Variants in SPANXN4 observed in about 807,000 individuals in gnomAD.
The protein encoded by SPANXN4 is SPANX family member N4.
Under a neutral mutation model 6.0 loss-of-function variants are expected in SPANXN4, and 5 were observed. The ratio of observed to expected loss-of-function variants is 0.83; its 90% confidence interval spans 0.44 to 1.75. The LOEUF (loss-of-function observed/expected upper bound fraction) is 1.75, where lower values mean the gene tolerates loss of function less well. Among genes scored for constraint, SPANXN4 ranks in the 40% most tolerant of loss-of-function variants. The probability of loss-of-function intolerance (pLI) is 0.02; values close to 1 mark genes in which losing one functional copy is unlikely to be tolerated. For synonymous variants in SPANXN4, 45 were observed against 38.0 expected (o/e 1.19, Z -0.68); for missense variants, 157 against 108.6 (o/e 1.45, Z -1.98).
chrX:143,030,609 C>T (rs1034215502), intron 1 of SPANXN4, among the ~76,000 whole-genome samples: 29 of 103,632 alleles, frequency 2.8e-4, no homozygotes, highest in African/African-American at 9.1e-4. Context: ...AAAAAAAAAA[C>T]TTTGGGAAGC....
intron 1 of SPANXN4, among the ~76,000 whole-genome samples, chrX:143,032,256 T>C (rs1214401391): frequency 9.0e-6 from 1 of 111,364 alleles, no homozygotes; most frequent in African/African-American, 3.3e-5. Flanking sequence ...GCTAGAGAGA[T>C]GGGAACATGA....
chrX:143,034,362 G>A, intron 2 of SPANXN4, 51 bp downstream of exon 2: 1 of 1,030,392 alleles, frequency 9.7e-7, no homozygotes. Context: ...GGAAGGGAAG[G>A]GAAAAGATAG....
At chrX:143,037,853 C>T (rs561568506), downstream of SPANXN4, among the ~76,000 whole-genome samples, 1 of 111,004 alleles carries the variant, frequency 9.0e-6, no homozygotes, top group African/African-American at 3.3e-5. Context: ...GAAGAAGGTG[C>T]CTTGCTTCCC....
intron 1 of SPANXN4, among the ~76,000 whole-genome samples, chrX:143,029,642 A>G (rs1472496014): frequency 1.8e-5 from 2 of 111,111 alleles, no homozygotes; most frequent in African/African-American, 6.6e-5. Flanking sequence ...ATTAACAGGG[A>G]GGAGGGTGTT....
At chrX:143,033,055 C>A (rs1004679782) in intron 1 of SPANXN4, among the ~76,000 whole-genome samples, 1 of 111,379 alleles carries the variant, frequency 9.0e-6, no homozygotes, top group African/African-American at 3.3e-5. Flanking sequence ...TTCTGGAGAA[C>A]CAGCAGAAAT....
chrX:143,029,756 C>G (rs1932798633), intron 1 of SPANXN4, among the ~76,000 whole-genome samples: 1 of 111,012 alleles, frequency 9.0e-6, no homozygotes, highest in African/African-American at 3.3e-5. Context: ...AAGGGATTCA[C>G]AGTTTATGAG....
intron 1 of SPANXN4, among the ~76,000 whole-genome samples, chrX:143,027,520 G>A (rs1308887666): frequency 9.0e-6 from 1 of 111,324 alleles, no homozygotes; most frequent in African/African-American, 3.3e-5. Flanking sequence ...GCGAAGGAGG[G>A]TGACAGCCCT....
chrX:143,035,588 CAT>C (rs967833318), downstream of SPANXN4, among the ~76,000 whole-genome samples: 3 of 110,579 alleles, frequency 2.7e-5, no homozygotes, highest in Non-Finnish European at 3.8e-5. Flanking sequence ...TAAATAGTAT[CAT>C]GTGTTTAATT....
exon 3 of SPANXN4, chrX:143,034,522 G>A: frequency 8.7e-7 from 1 of 1,143,348 alleles, no homozygotes; most frequent in Non-Finnish European, 1.2e-6. Context: ...AGGAAGAAAA[G>A]GATTTGGTGT....
downstream of SPANXN4, among the ~76,000 whole-genome samples, chrX:143,037,454 C>T (rs936465178): frequency 5.4e-5 from 6 of 111,535 alleles, no homozygotes; most frequent in South Asian, 3.7e-4. Flanking sequence ...ACCATAATAA[C>T]GAATGCCTGC....
chrX:143,032,520 G>C (rs943190997), intron 1 of SPANXN4, among the ~76,000 whole-genome samples: 13 of 110,532 alleles, frequency 1.2e-4, no homozygotes, highest in Non-Finnish European at 2.1e-4. Context: ...GAGGAGAAAG[G>C]CTTGTCCTGA....
chrX:143,033,327 C>G (rs750300496), intron 1 of SPANXN4, among the ~76,000 whole-genome samples: 57 of 111,633 alleles, frequency 5.1e-4, no homozygotes, highest in Non-Finnish European at 9.6e-4. Context: ...TGCTTGCTGC[C>G]TTCCAGGATG....
downstream of SPANXN4, among the ~76,000 whole-genome samples, chrX:143,035,506 T>A (rs1052361179): frequency 1.8e-5 from 2 of 110,676 alleles, no homozygotes; most frequent in Non-Finnish European, 3.8e-5. Context: ...GATTTTTAAT[T>A]TTTGTACCCA....
At chrX:143,038,612 A>G (rs1396871515), downstream of SPANXN4, among the ~76,000 whole-genome samples, 1 of 112,227 alleles carries the variant, frequency 8.9e-6, no homozygotes, top group Non-Finnish European at 1.9e-5. Context: ...AAACTCCATG[A>G]CAACAATTAT....
intron 1 of SPANXN4, among the ~76,000 whole-genome samples, chrX:143,028,499 G>A (rs1462256858): frequency 1.8e-5 from 2 of 110,963 alleles, no homozygotes; most frequent in Admixed American, 9.6e-5. Context: ...GAATATGGAA[G>A]GCCCACTTAA....
chrX:143,032,134 C>T (rs935851617), intron 1 of SPANXN4, among the ~76,000 whole-genome samples: 9 of 111,627 alleles, frequency 8.1e-5, no homozygotes, highest in Non-Finnish European at 1.1e-4. Flanking sequence ...GCATGACATA[C>T]GTGTCTTGCC....
At chrX:143,037,838 C>T (rs751611959), downstream of SPANXN4, among the ~76,000 whole-genome samples, 4 of 111,062 alleles carry the variant, frequency 3.6e-5, no homozygotes, top group Non-Finnish European at 7.5e-5. Context: ...TTTCTGCCAC[C>T]TTGTGAAGAA....
intron 1 of SPANXN4, among the ~76,000 whole-genome samples, chrX:143,028,943 G>A (rs748287056): frequency 2.7e-5 from 3 of 111,880 alleles, no homozygotes; most frequent in African/African-American, 6.5e-5. Context: ...AAATGGTTGC[G>A]CACGTATAAA....
At chrX:143,035,359 G>T (rs1236349552), downstream of SPANXN4, among the ~76,000 whole-genome samples, 1 of 109,476 alleles carries the variant, frequency 9.1e-6, no homozygotes, top group Non-Finnish European at 1.9e-5. Context: ...GTGGACATTT[G>T]TTTTCAATGT....
Sources: gnomAD v4.1 joint callset for allele counts (sites outside exome capture counted in the v4.1 genomes callset) on GRCh38, gnomAD v4.1.1 for gene constraint, MANE v1.5 for transcripts, NCBI Gene and HGNC (gene_info 2026-07-23, HGNC 2026-07-21) for gene names.